The following ULK4 variants were observed in gnomAD, a reference collection of about 807,000 sequenced individuals.
The protein encoded by ULK4 is unc-51 like kinase 4.
A neutral mutation model predicts 160.6 loss-of-function variants in ULK4; 133 were observed. The ratio of observed to expected loss-of-function variants is 0.83; its 90% confidence interval spans 0.72 to 0.96. The LOEUF (loss-of-function observed/expected upper bound fraction) is 0.96. ULK4 is among the 40% of genes least tolerant of loss of function. ULK4 has a pLI of 0.00. For missense variants in ULK4, 1,580 were observed against 1,499.5 expected, an observed-to-expected ratio of 1.05 and a Z score of -0.89; for synonymous variants, 534 against 539.8, an observed-to-expected ratio of 0.99 and a Z score of 0.15.
chr3:41,758,225 G>A (rs1403997377), intron 21 of ULK4, among the ~76,000 whole-genome samples: 2 of 152,042 alleles, frequency 1.3e-5, no homozygotes, highest in Non-Finnish European at 2.9e-5. Flanking sequence ...CCAGAACAGT[G>A]AGCAATAAAT....
At position 41,788,689 on chromosome 3, in the gene ULK4, C is replaced by CA. The variant is rs377112656; in HGVS notation, c.2193+971dup. 3.9e-3 allele frequency among the ~76,000 whole-genome samples: 542 copies of CA among 139,068 alleles called. 1 individual carries two copies. Among genetic ancestry groups the CA allele is most frequent in the African/African-American group, 0.012 (441 of 38,312 alleles). The allele number at this position is 139,068 out of a possible 152,430, so 91.2% of individuals were successfully genotyped here. A position where few individuals can be genotyped will look rare whatever the true frequency, so the allele number is the denominator to read the frequency against. On this transcript the variant is annotated intron_variant, in intron 21 of 36. Coordinates refer to ENST00000301831, the MANE Select transcript of ULK4 (RefSeq NM_017886.4). ...TGGGCGACAGAGCGAGCCTCCATCT[C>CA]AAAAAAAAAAGAAAAAAAGAAAAAG...
intron 25 of ULK4, among the ~76,000 whole-genome samples, chr3:41,706,298 A>G (rs2036873810): frequency 6.6e-6 from 1 of 150,776 alleles, no homozygotes; most frequent in Non-Finnish European, 1.5e-5. Context: ...CACCCATGTT[A>G]CTGACAGCAA....
intron 27 of ULK4, among the ~76,000 whole-genome samples, chr3:41,698,209 T>G (rs991010428): frequency 2.0e-5 from 3 of 152,236 alleles, no homozygotes; most frequent in African/African-American, 7.2e-5. Context: ...TATCTCCATC[T>G]TTAAGCAAGG....
intron 32 of ULK4, among the ~76,000 whole-genome samples, chr3:41,542,803 T>C (rs1273253660): frequency 6.6e-6 from 1 of 152,204 alleles, no homozygotes; most frequent in Admixed American, 6.5e-5. Flanking sequence ...CTAGTTTATT[T>C]GCATAGAGGT....
At position 41,735,243 on chromosome 3, in the gene ULK4, G is replaced by A. The variant is rs186910050; in HGVS notation, c.2322-17382C>T. Among the ~76,000 whole-genome samples the A allele has an allele frequency of 2.7e-3, 410 of 152,116 alleles. 2 individuals are homozygous for A. Among genetic ancestry groups the A allele is most frequent in the Middle Eastern group, 0.01 (3 of 294 alleles). On this transcript the variant is annotated intron_variant, in intron 22 of 36. Coordinates refer to ENST00000301831, the MANE Select transcript of ULK4 (RefSeq NM_017886.4). The stretch of plus-strand genomic sequence containing the variant: ...AGGTGAAGAGGAGAAACAGAAACAT[G>A]AGAGAGAAGAACTGACTGCCTGGAA...
At chr3:41,562,678 T>C (rs9821169) in intron 32 of ULK4, among the ~76,000 whole-genome samples, 126,183 of 151,164 alleles carry the variant, frequency 0.83, 54,158 homozygotes, top group Middle Eastern at 0.94. Flanking sequence ...ACTGGGATTG[T>C]AACCCCTGCT....
intron 22 of ULK4, among the ~76,000 whole-genome samples, chr3:41,736,726 G>C (rs1414113987): frequency 6.6e-6 from 1 of 151,174 alleles, no homozygotes; most frequent in Non-Finnish European, 1.5e-5. Context: ...TTTGTCTTTT[G>C]TTGCCATTGC....
intron 32 of ULK4, among the ~76,000 whole-genome samples, chr3:41,518,571 T>C (rs1391931782): frequency 6.6e-6 from 1 of 152,218 alleles, no homozygotes; most frequent in Admixed American, 6.5e-5. Context: ...TTAATCCCAG[T>C]AATAACTGTC....
intron 1 of ULK4, among the ~76,000 whole-genome samples, chr3:41,959,198 T>C (rs1472244737): frequency 2.0e-5 from 3 of 152,154 alleles, no homozygotes; most frequent in Non-Finnish European, 4.4e-5. Context: ...ACCCCATCTC[T>C]ACTAAAAATA....
At chr3:41,840,101 A>C (rs1019798524) in intron 17 of ULK4, among the ~76,000 whole-genome samples, 2 of 152,138 alleles carry the variant, frequency 1.3e-5, no homozygotes, top group African/African-American at 4.8e-5. Context: ...GGAAAGGCAA[A>C]AGAATTAGAA....
chr3:41,674,634 A>T (rs751617557), intron 29 of ULK4, among the ~76,000 whole-genome samples: 3 of 152,218 alleles, frequency 2.0e-5, no homozygotes, highest in Non-Finnish European at 4.4e-5. Flanking sequence ...CAAGATTTGA[A>T]TCCAAACAAG....
chr3:41,822,797 C>A (rs1478663273), intron 18 of ULK4, among the ~76,000 whole-genome samples: 2 of 146,166 alleles, frequency 1.4e-5, no homozygotes, highest in Non-Finnish European at 3.0e-5. Flanking sequence ...TCTTGGCTCA[C>A]TGCAAGCTCC....
intron 25 of ULK4, among the ~76,000 whole-genome samples, chr3:41,710,700 A>G (rs2037063890): frequency 1.3e-5 from 2 of 151,904 alleles, no homozygotes; most frequent in African/African-American, 4.8e-5. Flanking sequence ...AGGCTGAGGA[A>G]TGAGAATTGC....
intron 35 of ULK4, among the ~76,000 whole-genome samples, chr3:41,389,382 A>G (rs942221757): frequency 1.3e-5 from 2 of 151,944 alleles, no homozygotes; most frequent in African/African-American, 4.8e-5. Flanking sequence ...CTGCCTGATT[A>G]CCCTGGCCAG....
intron 35 of ULK4, among the ~76,000 whole-genome samples, chr3:41,361,070 C>A (rs2081132985): frequency 6.6e-6 from 1 of 152,046 alleles, no homozygotes; most frequent in Non-Finnish European, 1.5e-5. Flanking sequence ...TATGGGATGT[C>A]CTTGAGCAAG....
At chr3:41,780,325 G>A (rs2039793059) in intron 21 of ULK4, among the ~76,000 whole-genome samples, 2 of 151,706 alleles carry the variant, frequency 1.3e-5, no homozygotes, top group Non-Finnish European at 2.9e-5. Flanking sequence ...TAAATAAAGT[G>A]CATGATGGTG....
At chr3:41,589,737 A>G (rs1200481763) in intron 31 of ULK4, among the ~76,000 whole-genome samples, 1 of 152,090 alleles carries the variant, frequency 6.6e-6, no homozygotes, top group African/African-American at 2.4e-5. Flanking sequence ...AAAATCCAAC[A>G]CTCTTTAGAA....
intron 35 of ULK4, among the ~76,000 whole-genome samples, chr3:41,330,909 G>A (rs1261021885): frequency 6.6e-6 from 1 of 152,200 alleles, no homozygotes; most frequent in Non-Finnish European, 1.5e-5. Context: ...ATCTCTGCCA[G>A]TCTCTACTGG....
intron 17 of ULK4, among the ~76,000 whole-genome samples, chr3:41,853,575 G>GT (rs2042265828): frequency 6.6e-6 from 1 of 152,196 alleles, no homozygotes; most frequent in African/African-American, 2.4e-5. Context: ...AGGATTTTTT[G>GT]TTTTTCTCGA....
Sources: allele counts gnomAD v4.1 joint callset (sites outside exome capture counted in the v4.1 genomes callset), GRCh38; gene constraint gnomAD v4.1.1; transcripts MANE v1.5; gene names NCBI Gene and HGNC (gene_info 2026-07-23, HGNC 2026-07-21).